Variants in CCDC102B observed in about 807,000 individuals in gnomAD.
CCDC102B encodes the protein coiled-coil domain-containing protein 102B.
In CCDC102B, 75 loss-of-function variants were observed where a neutral mutation model predicts 57.4. The ratio of observed to expected loss-of-function variants is 1.31; its 90% CI spans 1.08 to 1.58. CCDC102B has a LOEUF of 1.58. Ranked by LOEUF, CCDC102B falls within the 40% of genes most tolerant of loss-of-function variation. The pLI is 0.00. For synonymous variants in CCDC102B, 206 were observed against 201.9 expected, an observed-to-expected ratio of 1.02 and a Z score of -0.17; for missense variants, 636 against 582.6, an observed-to-expected ratio of 1.09 and a Z score of -0.94.
intron 6 of CCDC102B, among the ~76,000 whole-genome samples, chr18:69,004,663 T>A (rs901312881): frequency 1.3e-5 from 2 of 152,212 alleles, no homozygotes; most frequent in African/African-American, 2.4e-5. Flanking sequence ...AGTATTTTTT[T>A]AATAATTGTC....
At chr18:69,028,150 C>T (rs2052042415) in intron 7 of CCDC102B, among the ~76,000 whole-genome samples, 1 of 152,052 alleles carries the variant, frequency 6.6e-6, no homozygotes, top group Admixed American at 6.6e-5. Context: ...CAACTAAGGA[C>T]ATCTAGCTTA....
At chr18:68,823,173 T>G (rs1182401433) in intron 1 of CCDC102B, among the ~76,000 whole-genome samples, 1 of 152,226 alleles carries the variant, frequency 6.6e-6, no homozygotes, top group African/African-American at 2.4e-5. Flanking sequence ...TTGTAACCAA[T>G]TGGAGGCCTC....
chr18:68,865,456 C>T (rs971872404), intron 4 of CCDC102B, among the ~76,000 whole-genome samples: 10 of 152,046 alleles, frequency 6.6e-5, no homozygotes, highest in African/African-American at 2.4e-4. Flanking sequence ...TGAATAATTA[C>T]CATCATCATA....
At chr18:68,832,481 C>T (rs2037187016) in intron 1 of CCDC102B, among the ~76,000 whole-genome samples, 1 of 152,170 alleles carries the variant, frequency 6.6e-6, no homozygotes, top group South Asian at 2.1e-4. Flanking sequence ...ATATTCAACC[C>T]ACTTTATTTT....
exon 1 of CCDC102B, chr18:68,715,242 C>G (rs779979251): frequency 1.7e-5 from 23 of 1,341,992 alleles, no homozygotes; most frequent in Non-Finnish European, 2.2e-5. Context: ...CTCGGTGCCC[C>G]CCTCCACGCC....
Position 69,055,173 on chromosome 18 carries a change from C to T in CCDC102B, c.*1036C>T, listed in dbSNP as rs1353939829. Reference sequence around the variant, plus strand: ...TTACTAATTCATTATTGAATAAAGACCACTTTTATCAGAGTCTCTCATTGT... The same window carrying T: ...TTACTAATTCATTATTGAATAAAGATCACTTTTATCAGAGTCTCTCATTGT... On this transcript the variant is annotated 3_prime_UTR_variant, in exon 8 of 8. Coordinates refer to ENST00000360242, the MANE Select transcript of CCDC102B (RefSeq NM_024781.3). 2 of 972,792 alleles carry T rather than the reference C, an allele frequency of 2.1e-6. No homozygotes were observed. Among genetic ancestry groups the T allele is most frequent in the African/African-American group, 1.8e-5 (1 of 56,912 alleles). 60.3% of individuals were successfully genotyped at this position (972,792 alleles called of 1,614,324 possible). A position where few individuals can be genotyped will look rare whatever the true frequency, so the allele number is the denominator to read the frequency against.
chr18:68,784,890 G>A (rs185901850), intron 2 of CCDC102B, among the ~76,000 whole-genome samples: 29 of 151,352 alleles, frequency 1.9e-4, no homozygotes, highest in South Asian at 4.2e-4. Flanking sequence ...GGATAGTTAC[G>A]TATGTATACA....
chr18:68,925,257 A>T (rs978621704), intron 6 of CCDC102B, among the ~76,000 whole-genome samples: 2 of 152,014 alleles, frequency 1.3e-5, no homozygotes, highest in African/African-American at 4.8e-5. Context: ...AGTTGGAGAG[A>T]TGATTCAGAA....
chr18:68,853,384 A>G (rs1359739138), intron 4 of CCDC102B, among the ~76,000 whole-genome samples: 1 of 152,076 alleles, frequency 6.6e-6, no homozygotes, highest in African/African-American at 2.4e-5. Context: ...TCAAAAAATG[A>G]TCAACTTTTG....
intron 2 of CCDC102B, among the ~76,000 whole-genome samples, chr18:68,738,211 TG>T (rs1211673260): frequency 2.0e-5 from 3 of 152,060 alleles, no homozygotes; most frequent in Non-Finnish European, 4.4e-5. Flanking sequence ...TCACCTCCAT[TG>T]CTATAAAGTG....
intron 2 of CCDC102B, among the ~76,000 whole-genome samples, chr18:68,740,794 T>C (rs951346604): frequency 3.3e-5 from 5 of 152,158 alleles, no homozygotes. Context: ...AATATTTAAG[T>C]ATATATACTA....
At chr18:68,833,118 T>G (rs2037215576) in intron 1 of CCDC102B, among the ~76,000 whole-genome samples, 1 of 152,192 alleles carries the variant, frequency 6.6e-6, no homozygotes, top group South Asian at 2.1e-4. Flanking sequence ...ACAGTTGATA[T>G]TTTGAAGCTG....
At chr18:68,761,440 T>A (rs534174600) in intron 2 of CCDC102B, among the ~76,000 whole-genome samples, 2 of 151,462 alleles carry the variant, frequency 1.3e-5, no homozygotes, top group African/African-American at 4.9e-5. Flanking sequence ...ACGTGGGTAA[T>A]CAATCAATAT....
At chr18:68,987,789 G>GA (rs2050762003) in intron 6 of CCDC102B, among the ~76,000 whole-genome samples, 1 of 151,996 alleles carries the variant, frequency 6.6e-6, no homozygotes, top group African/African-American at 2.4e-5. Context: ...AAAAAACCAT[G>GA]AAAAAAATGC....
intron 4 of CCDC102B, 36 bp downstream of exon 4, chr18:68,846,457 C>G: frequency 7.5e-7 from 1 of 1,337,986 alleles, no homozygotes; most frequent in Non-Finnish European, 1.0e-6. Flanking sequence ...AGAAATGAAG[C>G]CTAGCTTTTT....
At chr18:68,900,135 T>C (rs1051756160) in intron 6 of CCDC102B, 1 of 152,136 alleles carries the variant, frequency 6.6e-6, no homozygotes, top group Non-Finnish European at 1.5e-5. Flanking sequence ...CTCTTGGAAA[T>C]AGTGGCACTG....
intron 7 of CCDC102B, among the ~76,000 whole-genome samples, chr18:69,035,390 G>A (rs936799672): frequency 2.6e-5 from 4 of 151,972 alleles, no homozygotes; most frequent in Admixed American, 1.3e-4. Context: ...AGGTTACTAG[G>A]TACACTACCT....
At chr18:69,014,185 T>C (rs2051597499) in intron 7 of CCDC102B, among the ~76,000 whole-genome samples, 1 of 152,176 alleles carries the variant, frequency 6.6e-6, no homozygotes, top group Non-Finnish European at 1.5e-5. Context: ...GGATATTATA[T>C]TGGTAAGTGA....
At chr18:68,927,467 C>T (rs2041512005) in intron 6 of CCDC102B, among the ~76,000 whole-genome samples, 1 of 151,798 alleles carries the variant, frequency 6.6e-6, no homozygotes, top group Non-Finnish European at 1.5e-5. Flanking sequence ...TTTTACCTCC[C>T]CTGTTTTCTG....
Sources: gnomAD v4.1 joint callset for allele counts (sites outside exome capture counted in the v4.1 genomes callset) on GRCh38, gnomAD v4.1.1 for gene constraint, MANE v1.5 for transcripts, NCBI Gene and HGNC (gene_info 2026-07-23, HGNC 2026-07-21) for gene names.